The following PHC2 variants were observed in gnomAD, a reference collection of about 807,000 sequenced individuals.
The protein encoded by PHC2 is polyhomeotic-like protein 2.
PHC2 carries 29 observed loss-of-function variants against 87.4 expected under a neutral mutation model. The ratio of observed to expected loss-of-function variants is 0.33; its 90% CI spans 0.25 to 0.45. The LOEUF is 0.45. PHC2 is among the 20% of genes least tolerant of loss of function. The probability of loss-of-function intolerance (pLI) is 1.00; values close to 1 mark genes in which losing one functional copy is unlikely to be tolerated. For missense variants in PHC2, 857 were observed against 1,136.7 expected, an observed-to-expected ratio of 0.75 and a Z score of 3.54; for synonymous variants, 438 against 461.7, an observed-to-expected ratio of 0.95 and a Z score of 0.66.
At position 33,349,275 on chromosome 1, in the gene PHC2, A is replaced by G; in HGVS notation, c.1558+5126T>C. The G allele has an allele frequency of 1.0e-6, 1 of 984,426 alleles. No homozygotes were observed. The allele number at this position is 984,426 out of a possible 1,614,324, so 61.0% of individuals were successfully genotyped here. On this transcript the variant is annotated intron_variant, in intron 9 of 14. Transcript: ENST00000683057. This position sits in a 1 kb window ranked among gnomAD's most constrained non-coding sequence, Gnocchi z 4.2. ...CGTCCCCGAACGCACCGTCCGTCCC[A>G]GGGAAGTCGCAGCGGCGGGGAGGCC...
rs545697223 is a variant in PHC2 at position 33,350,030 on chromosome 1, G to GC, written c.1558+4370dup. The GC allele has an allele frequency of 2.5e-3, 536 of 213,114 alleles. 3 individuals are homozygous for GC. Among genetic ancestry groups the GC allele is most frequent in the African/African-American group, 9.2e-3 (392 of 42,676 alleles). The allele number at this position is 213,114 out of a possible 1,614,324, so 13.2% of individuals were successfully genotyped here. On this transcript the variant is annotated intron_variant, in intron 9 of 14. Coordinates refer to ENST00000683057, the MANE Select transcript of PHC2 (RefSeq NM_001385109.1). The stretch of plus-strand genomic sequence containing the variant: ...GCGCTTCCTTTGTGCGGCGAGCCCC[G>GC]CCTCGCGCCCTCCGGAAGGCGGGTT...
intron 9 of PHC2, among the ~76,000 whole-genome samples, chr1:33,339,583 A>G (rs1211679946): frequency 6.6e-6 from 1 of 152,174 alleles, no homozygotes; most frequent in African/African-American, 2.4e-5. Flanking sequence ...GATGACCTCT[A>G]GAGGCAGAGG....
Position 33,349,941 on chromosome 1 carries a change from C to CA in PHC2, c.1558+4459_1558+4460insT. 1 of 264,642 alleles carries CA rather than the reference C, an allele frequency of 3.8e-6. No individual in the cohort carries two copies. The highest frequency in any genetic ancestry group is 1.7e-4 in the South Asian group (1 of 6,038). The allele number at this position is 264,642 out of a possible 1,614,324, so 16.4% of individuals were successfully genotyped here. On this transcript the variant is annotated intron_variant, in intron 9 of 14. Coordinates refer to ENST00000683057, the MANE Select transcript of PHC2 (RefSeq NM_001385109.1). This position sits in a 1 kb window ranked among gnomAD's most constrained non-coding sequence, Gnocchi z 4.2. ...CTCCCGCGGCCGCCTCCGCCGGGGG[C>CA]GGGGCGAGGGAGCGGGGCGGGGAGG...
intron 3 of PHC2, 96 bp downstream of exon 3, chr1:33,372,193 G>A: frequency 1.6e-6 from 2 of 1,232,014 alleles, no homozygotes; most frequent in Non-Finnish European, 2.2e-6. Flanking sequence ...GGTAAGAGAA[G>A]GATGTGAAGC....
intron 9 of PHC2, among the ~76,000 whole-genome samples, chr1:33,340,323 C>T (rs1414442862): frequency 6.6e-6 from 1 of 152,216 alleles, no homozygotes; most frequent in East Asian, 1.9e-4. Context: ...TCCAAGCCCC[C>T]AGCACTGAAG....
At chr1:33,429,932 G>A (rs778721158) in intron 1 of PHC2, among the ~76,000 whole-genome samples, 10 of 152,152 alleles carry the variant, frequency 6.6e-5, no homozygotes, top group Non-Finnish European at 1.5e-4. Flanking sequence ...ATCCCCACTG[G>A]TGATAGAAAT....
intron 9 of PHC2, chr1:33,335,230 G>A (rs1646602621): frequency 1.0e-6 from 1 of 985,300 alleles, no homozygotes; most frequent in Admixed American, 6.2e-5. Context: ...CTCATGAGCT[G>A]TCTCATTGTC....
intron 1 of PHC2, among the ~76,000 whole-genome samples, chr1:33,389,363 A>C (rs1032582661): frequency 6.6e-6 from 1 of 152,170 alleles, no homozygotes; most frequent in Non-Finnish European, 1.5e-5. Flanking sequence ...GGGTGTTTGG[A>C]TTAATCTTAA....
chr1:33,426,904 C>T (rs2148411619), intron 1 of PHC2, among the ~76,000 whole-genome samples: 1 of 152,068 alleles, frequency 6.6e-6, no homozygotes, highest in East Asian at 1.9e-4. Flanking sequence ...AATGTAGAAC[C>T]CCCTTGTTAA....
In PHC2 at chr1:33,354,843, G is replaced by A. The variant is rs1647039563; in HGVS notation, c.1387C>T (p.Pro463Ser). Residue 463 changes from proline to serine, a missense_variant, in exon 8 of 15, where the codon CCA becomes TCA. Coordinates refer to ENST00000683057, the MANE Select transcript of PHC2 (RefSeq NM_001385109.1). ...CTTGGGGCTGGCTTACTCACCACTG[G>A]TGAAGCAGGCTGCAGTTGTAAGATG... is the stretch of plus-strand genomic sequence containing the variant. ...AVILQLQPAS[P>S]VPQQCVPDDW... 1.2e-6 allele frequency: 2 copies of A among 1,613,328 alleles called. No individual in the cohort carries two copies. Among genetic ancestry groups the A allele is most frequent in the South Asian group, 1.1e-5 (1 of 91,036 alleles).
chr1:33,425,441 G>A (rs768665086), intron 1 of PHC2, among the ~76,000 whole-genome samples: 3 of 152,204 alleles, frequency 2.0e-5, no homozygotes, highest in Non-Finnish European at 4.4e-5. Context: ...CATTTACTGA[G>A]CATCTGTGAC....
chr1:33,334,422 A>G lies in PHC2; in HGVS notation c.1559-130T>C, dbSNP rs1243619471. On this transcript the variant is annotated intron_variant, in intron 9 of 14. Coordinates refer to ENST00000683057, the MANE Select transcript of PHC2 (RefSeq NM_001385109.1). This position sits in a 1 kb window ranked among gnomAD's most constrained non-coding sequence, Gnocchi z 5.5. ...GGCCAAGCGACAATGCAAACCAAGC[A>G]GTCCCCTCCCCTCAGTGACCCATTT... The G allele has an allele frequency of 1.4e-6, 1 of 736,756 alleles. No individual in the cohort carries two copies. Among genetic ancestry groups the G allele is most frequent in the African/African-American group, 1.8e-5 (1 of 56,046 alleles). The allele number at this position is 736,756 out of a possible 1,614,324, so 45.6% of individuals were successfully genotyped here.
chr1:33,349,473 G>T lies in PHC2; in HGVS notation c.1558+4928C>A. On this transcript the variant is annotated intron_variant, in intron 9 of 14. Coordinates refer to ENST00000683057, the MANE Select transcript of PHC2 (RefSeq NM_001385109.1). The surrounding 1 kb of genome is among the most constrained non-coding windows in gnomAD (Gnocchi z 4.2). Reference sequence around the variant, plus strand: ...CGCGGACGAGAGCCGCGACTGGCACGGCCTGGCAGCCGCGTAGGCCCGGGC... The same window carrying T: ...CGCGGACGAGAGCCGCGACTGGCACTGCCTGGCAGCCGCGTAGGCCCGGGC... 3 of 985,264 alleles carry T rather than the reference G, an allele frequency of 3.0e-6. No individual in the cohort carries two copies. The highest frequency in any genetic ancestry group is 3.6e-6 in the Non-Finnish European group (3 of 829,906). The allele number at this position is 985,264 out of a possible 1,614,324, so 61.0% of individuals were successfully genotyped here. A position where few individuals can be genotyped will look rare whatever the true frequency, so the allele number is the denominator to read the frequency against.
At chr1:33,340,741 G>A (rs1646727861) in intron 9 of PHC2, among the ~76,000 whole-genome samples, 2 of 152,134 alleles carry the variant, frequency 1.3e-5, no homozygotes, top group African/African-American at 4.8e-5. Context: ...CGGGGAGGAG[G>A]GAGGGGAACA....
In PHC2 at chr1:33,324,881, A is replaced by G. The variant is rs376200315; in HGVS notation, c.2564T>C (p.Met855Thr). 1 of 1,613,356 alleles carries G rather than the reference A, an allele frequency of 6.2e-7. No individual in the cohort carries two copies. Among genetic ancestry groups the G allele is most frequent in the Non-Finnish European group, 8.5e-7 (1 of 1,179,488 alleles). ...CCACCAGCCCTAGGAGTCCTTGAGCATGCTGATGCGGGCGTAGATCTTCAG... is the reference window on the plus strand; with the variant it reads ...CCACCAGCCCTAGGAGTCCTTGAGCGTGCTGATGCGGGCGTAGATCTTCAG... Reference protein sequence around the residue: ...PALKIYARISMLKDS With the variant: ...PALKIYARISTLKDS The change falls in exon 15 of 15, where the codon ATG becomes ACG. Residue 855 changes from methionine to threonine, a missense_variant. Transcript: ENST00000683057.
At chr1:33,430,626 G>A (rs1650873470) in intron 1 of PHC2, among the ~76,000 whole-genome samples, 1 of 151,984 alleles carries the variant, frequency 6.6e-6, no homozygotes, top group Non-Finnish European at 1.5e-5. Flanking sequence ...ACCTTGGCCC[G>A]TTCCCGTTCC....
chr1:33,380,111 T>C (rs191567134), intron 1 of PHC2, among the ~76,000 whole-genome samples: 2 of 152,356 alleles, frequency 1.3e-5, no homozygotes, highest in Admixed American at 1.3e-4. Context: ...TGTGGCTGTC[T>C]TTCAAGTGTG....
chr1:33,325,675 C>T (rs1475327588), intron 14 of PHC2: 2 of 336,440 alleles, frequency 5.9e-6, no homozygotes, highest in South Asian at 2.2e-5. Context: ...ACTGCCCAGC[C>T]GAGCCACTCG....
chr1:33,412,407 C>T (rs919689362), intron 1 of PHC2, among the ~76,000 whole-genome samples: 2 of 152,186 alleles, frequency 1.3e-5, no homozygotes, highest in African/African-American at 4.8e-5. Context: ...CACACACGTG[C>T]GTGCGCGTGC....
Sources: allele counts gnomAD v4.1 joint callset (sites outside exome capture counted in the v4.1 genomes callset), GRCh38; gene constraint gnomAD v4.1.1; non-coding constraint Gnocchi (gnomAD v3.1); transcripts MANE v1.5; gene names NCBI Gene and HGNC (gene_info 2026-07-23, HGNC 2026-07-21).